The following TMEM230 variants were observed in gnomAD, a reference collection of about 807,000 sequenced individuals.
The protein encoded by TMEM230 is UPF0414 transmembrane protein C20orf30.
TMEM230 carries 10 observed loss-of-function variants against 15.8 expected under a neutral mutation model. The observed-to-expected ratio is 0.63, with a 90% CI of 0.39 to 1.07. The LOEUF is 1.07. Ranked by LOEUF, TMEM230 falls within the 50% of genes least tolerant of loss-of-function variation. The pLI is 0.01. For missense variants in TMEM230, 165 were observed against 193.3 expected, an observed-to-expected ratio of 0.85 and a Z score of 0.87; for synonymous variants, 67 against 76.9, an observed-to-expected ratio of 0.87 and a Z score of 0.68.
downstream of TMEM230, among the ~76,000 whole-genome samples, chr20:5,096,454 G>C (rs1750717550): frequency 2.0e-5 from 3 of 152,322 alleles, no homozygotes; most frequent in South Asian, 6.2e-4. Context: ...GAAGCCTCAG[G>C]ATAGGAACTT....
chr20:5,094,517 GACA>G (rs1250592008), intron 3 of TMEM230, among the ~76,000 whole-genome samples: 4 of 151,512 alleles, frequency 2.6e-5, no homozygotes, highest in Admixed American at 6.6e-5. Context: ...GACCAGCCTG[GACA>G]ACATGGTAAA....
chr20:5,090,507 T>A (rs1440060630), intron 3 of TMEM230, among the ~76,000 whole-genome samples: 2 of 151,892 alleles, frequency 1.3e-5, no homozygotes, highest in Non-Finnish European at 2.9e-5. Flanking sequence ...ATGGAGAGAG[T>A]TCTTTCAGAT....
At chr20:5,097,315 G>A (rs150757240), downstream of TMEM230, among the ~76,000 whole-genome samples, 503 of 152,290 alleles carry the variant, frequency 3.3e-3, 6 homozygotes, top group African/African-American at 0.011. Context: ...GAGTGGCAAC[G>A]GATCTGAAAT....
chr20:5,083,441 C>T (rs976279787), intron 3 of TMEM230, among the ~76,000 whole-genome samples: 6 of 151,898 alleles, frequency 4.0e-5, no homozygotes, highest in African/African-American at 1.5e-4. Context: ...TCAGGAATAG[C>T]TGTCGAATTT....
intron 4 of TMEM230, 118 bp from the exon 4 acceptor site, chr20:5,101,049 G>A: frequency 8.2e-7 from 1 of 1,224,130 alleles, no homozygotes; most frequent in Non-Finnish European, 1.1e-6. Flanking sequence ...TTTTCTTTGA[G>A]TTGTATACCA....
chr20:5,104,556 G>A (rs1016432707), intron 4 of TMEM230, among the ~76,000 whole-genome samples: 8 of 152,204 alleles, frequency 5.3e-5, no homozygotes, highest in African/African-American at 1.9e-4. Flanking sequence ...GTTTATCAAA[G>A]AGGTATCTGC....
At chr20:5,107,958 G>A (rs2090160266) in intron 3 of TMEM230, among the ~76,000 whole-genome samples, 2 of 150,214 alleles carry the variant, frequency 1.3e-5, no homozygotes, top group Admixed American at 1.3e-4. Flanking sequence ...CTAAAAATAC[G>A]AAAATTGGCC....
the TMEM230 span, among the ~76,000 whole-genome samples, chr20:5,062,889 A>T: frequency 6.6e-6 from 1 of 152,198 alleles, no homozygotes; most frequent in South Asian, 2.1e-4. Flanking sequence ...GCTTTGGTTT[A>T]TAGACTGAGC....
chr20:5,095,849 T>C (rs983837063), downstream of TMEM230, among the ~76,000 whole-genome samples: 2 of 152,192 alleles, frequency 1.3e-5, no homozygotes, highest in Admixed American at 6.5e-5. Context: ...TGCATTTGCA[T>C]AGCAAGGAGC....
chr20:5,096,709 A>G (rs2089674370), downstream of TMEM230, among the ~76,000 whole-genome samples: 1 of 152,168 alleles, frequency 6.6e-6, no homozygotes, highest in South Asian at 2.1e-4. Flanking sequence ...CTGGCCTGCT[A>G]GGCAGCTGGT....
intron 3 of TMEM230, among the ~76,000 whole-genome samples, chr20:5,092,074 C>T (rs768750252): frequency 2.6e-5 from 4 of 152,188 alleles, no homozygotes; most frequent in Admixed American, 1.3e-4. Flanking sequence ...ATGTGACTTT[C>T]GAGACTTTGT....
At chr20:5,089,451 G>A (rs1412889739) in intron 3 of TMEM230, among the ~76,000 whole-genome samples, 1 of 151,788 alleles carries the variant, frequency 6.6e-6, no homozygotes, top group Non-Finnish European at 1.5e-5. Context: ...TGTAATCCCA[G>A]CACTTTGGGA....
chr20:5,073,030 G>A (rs544626925), intron 3 of TMEM230, among the ~76,000 whole-genome samples: 12 of 152,194 alleles, frequency 7.9e-5, no homozygotes, highest in African/African-American at 2.9e-4. Context: ...AACAGTAAGG[G>A]AATGAAGGAG....
At chr20:5,071,225 G>A (rs936233302) in intron 3 of TMEM230, among the ~76,000 whole-genome samples, 2 of 152,162 alleles carry the variant, frequency 1.3e-5, no homozygotes, top group Admixed American at 1.3e-4. Context: ...CTAAAGCAGG[G>A]CAGAGCCAAT....
In TMEM230 at chr20:5,109,328, T is replaced by G; in HGVS notation, c.288+4A>C. 1 of 1,609,246 alleles carries G rather than the reference T, an allele frequency of 6.2e-7. No homozygotes were observed. The highest frequency in any genetic ancestry group is 8.5e-7 in the Non-Finnish European group (1 of 1,177,458). On this transcript the variant is annotated splice_donor_region_variant and intron_variant, in intron 3 of 4. Coordinates refer to ENST00000342308, the MANE Select transcript of TMEM230 (RefSeq NM_001009923.2). ...CAGTCTTGTCAGTTCTCTTCTGCAT[T>G]TACCTGAAGGTCAATGTAGCCATCG...
intron 4 of TMEM230, among the ~76,000 whole-genome samples, chr20:5,103,486 C>A (rs796574026): frequency 1.1e-4 from 16 of 151,590 alleles, no homozygotes; most frequent in African/African-American, 3.6e-4. Context: ...ACGGCAAAAC[C>A]TCATCTATAC....
chr20:5,112,882 C>T (rs1340115641), intron 1 of TMEM230, 79 bp downstream of exon 1: 47 of 1,547,534 alleles, frequency 3.0e-5, no homozygotes, highest in Non-Finnish European at 4.0e-5. Context: ...AGCTTGATTT[C>T]GGCGGGGAGC....
At chr20:5,075,632 G>A (rs143988296) in intron 3 of TMEM230, among the ~76,000 whole-genome samples, 2 of 151,942 alleles carry the variant, frequency 1.3e-5, no homozygotes, top group South Asian at 4.2e-4. Context: ...GGATGAAGCA[G>A]GAGAATCTCT....
At chr20:5,104,544 C>G (rs536608114) in intron 4 of TMEM230, among the ~76,000 whole-genome samples, 1 of 152,192 alleles carries the variant, frequency 6.6e-6, no homozygotes, top group African/African-American at 2.4e-5. Context: ...GAAAGGAAAT[C>G]AGTTTATCAA....
Sources: allele counts gnomAD v4.1 joint callset (sites outside exome capture counted in the v4.1 genomes callset), GRCh38; gene constraint gnomAD v4.1.1; transcripts MANE v1.5; gene names NCBI Gene and HGNC (gene_info 2026-07-23, HGNC 2026-07-21).